FTO: variants seen among roughly 807,000 people sequenced by gnomAD.
FTO encodes the protein alpha-ketoglutarate-dependent dioxygenase FTO.
A neutral mutation model predicts 63.9 loss-of-function variants in FTO; 47 were observed. That is an observed-to-expected ratio of 0.74 (90% CI 0.58 to 0.94). FTO has a LOEUF of 0.94. FTO is among the 40% of genes least tolerant of loss of function. FTO has a pLI of 0.00. For synonymous variants in FTO, 207 were observed against 224.4 expected, an observed-to-expected ratio of 0.92 and a Z score of 0.69; for missense variants, 562 against 618.1, an observed-to-expected ratio of 0.91 and a Z score of 0.96.
At chr16:53,782,064 C>T (rs914363484) in intron 1 of FTO, among the ~76,000 whole-genome samples, 5 of 152,124 alleles carry the variant, frequency 3.3e-5, no homozygotes, top group Non-Finnish European at 7.4e-5. Flanking sequence ...GGAACCCTCT[C>T]CCCAGACAAG....
intron 8 of FTO, among the ~76,000 whole-genome samples, chr16:54,077,746 G>C (rs2086038760): frequency 6.6e-6 from 1 of 152,150 alleles, no homozygotes; most frequent in Non-Finnish European, 1.5e-5. Flanking sequence ...CAGGGGGGCA[G>C]GTCAGGGTGG....
intron 4 of FTO, among the ~76,000 whole-genome samples, chr16:53,857,999 GA>G (rs138676539): frequency 0.2 from 29,630 of 151,566 alleles, 3,951 homozygotes; most frequent in East Asian, 0.63. Context: ...AAGTATCAGG[GA>G]AAAAAGATGC....
intron 8 of FTO, among the ~76,000 whole-genome samples, chr16:53,939,544 T>TA (rs1249632605): frequency 2.0e-5 from 3 of 152,192 alleles, no homozygotes; most frequent in Non-Finnish European, 4.4e-5. Context: ...GTGCAACTGT[T>TA]ACCACTATCC....
chr16:53,866,338 T>C (rs1183769216), intron 4 of FTO, among the ~76,000 whole-genome samples: 2 of 152,190 alleles, frequency 1.3e-5, no homozygotes, highest in African/African-American at 4.8e-5. Flanking sequence ...TATGAGAGAA[T>C]ACTGGTCTTT....
intron 8 of FTO, among the ~76,000 whole-genome samples, chr16:54,102,589 T>C (rs2086662735): frequency 6.6e-6 from 1 of 152,176 alleles, no homozygotes; most frequent in Non-Finnish European, 1.5e-5. Context: ...TTTCACTTTA[T>C]AGTATTATTA....
intron 1 of FTO, among the ~76,000 whole-genome samples, chr16:53,807,079 G>A (rs1021901920): frequency 1.3e-5 from 2 of 152,120 alleles, no homozygotes; most frequent in Non-Finnish European, 2.9e-5. Flanking sequence ...TGATTTCACC[G>A]ATGTAAGCAT....
intron 1 of FTO, among the ~76,000 whole-genome samples, chr16:53,773,600 G>A (rs2077393518): frequency 6.6e-6 from 1 of 152,120 alleles, no homozygotes; most frequent in Non-Finnish European, 1.5e-5. Flanking sequence ...CATCTTCACT[G>A]TGTTTTTGTA....
intron 8 of FTO, among the ~76,000 whole-genome samples, chr16:53,960,759 T>C (rs1235230974): frequency 6.6e-6 from 1 of 151,712 alleles, no homozygotes; most frequent in Non-Finnish European, 1.5e-5. Context: ...AAGGGCCCAA[T>C]TGTGCTTGGT....
At chr16:54,005,411 A>G (rs964631573) in intron 8 of FTO, among the ~76,000 whole-genome samples, 1 of 149,146 alleles carries the variant, frequency 6.7e-6, no homozygotes, top group Non-Finnish European at 1.5e-5. Context: ...TGTAATATAC[A>G]TATATGTATG....
chr16:53,970,590 CAAA>C (rs750908676), intron 8 of FTO, among the ~76,000 whole-genome samples: 3 of 65,298 alleles, frequency 4.6e-5, no homozygotes, highest in Non-Finnish European at 3.2e-5. Context: ...GACTCCATCT[CAAA>C]AAAAAAAAAA....
At chr16:53,820,702 C>T in intron 2 of FTO, among the ~76,000 whole-genome samples, 1 of 150,394 alleles carries the variant, frequency 6.6e-6, no homozygotes. Flanking sequence ...TTGTTCAATT[C>T]CCACCTATGA....
chr16:53,826,593 G>A (rs1294411622), intron 3 of FTO, 102 bp downstream of exon 3: 1 of 1,078,452 alleles, frequency 9.3e-7, no homozygotes, highest in African/African-American at 1.5e-5. Flanking sequence ...ATGTTTGCAT[G>A]TGTGCTTGCG....
At chr16:53,951,157 GTC>G (rs1223482047) in intron 8 of FTO, among the ~76,000 whole-genome samples, 1 of 152,150 alleles carries the variant, frequency 6.6e-6, no homozygotes, top group Non-Finnish European at 1.5e-5. Context: ...ATTTAAACCA[GTC>G]TGCAGAGATT....
intron 2 of FTO, among the ~76,000 whole-genome samples, chr16:53,821,972 G>A (rs1185376724): frequency 1.3e-5 from 2 of 152,174 alleles, no homozygotes; most frequent in Non-Finnish European, 1.5e-5. Flanking sequence ...GGGGTGCAGA[G>A]TATGCTGGAG....
chr16:53,962,970 C>T (rs186608753), intron 8 of FTO, among the ~76,000 whole-genome samples: 15 of 152,212 alleles, frequency 9.9e-5, no homozygotes, highest in South Asian at 2.1e-4. Flanking sequence ...TATTTTCCCA[C>T]GCTCAAATCC....
At chr16:53,890,445 C>A (rs1422420597) in intron 7 of FTO, among the ~76,000 whole-genome samples, 3 of 152,064 alleles carry the variant, frequency 2.0e-5, no homozygotes. Flanking sequence ...GAACACTTAA[C>A]ATAGGATCTA....
chr16:53,945,160 A>G (rs1355266659), intron 8 of FTO, among the ~76,000 whole-genome samples: 1 of 152,210 alleles, frequency 6.6e-6, no homozygotes, highest in Non-Finnish European at 1.5e-5. Context: ...CAGCTCTCAC[A>G]AGGAGTGGCT....
intron 8 of FTO, among the ~76,000 whole-genome samples, chr16:54,018,419 TA>T (rs2084508672): frequency 2.0e-5 from 3 of 151,782 alleles, no homozygotes; most frequent in South Asian, 2.1e-4. Flanking sequence ...GATACATACA[TA>T]CATACATACA....
intron 8 of FTO, among the ~76,000 whole-genome samples, chr16:54,079,342 G>A (rs531525335): frequency 4.6e-5 from 7 of 152,168 alleles, no homozygotes; most frequent in Non-Finnish European, 8.8e-5. Flanking sequence ...AACTGGCATC[G>A]TCCTACGTTT....
Sources: gnomAD v4.1 joint callset for allele counts (sites outside exome capture counted in the v4.1 genomes callset) on GRCh38, gnomAD v4.1.1 for gene constraint, MANE v1.5 for transcripts, NCBI Gene and HGNC (gene_info 2026-07-23, HGNC 2026-07-21) for gene names.